Variants in PIGN observed in about 807,000 individuals in gnomAD.
PIGN encodes GPI ethanolamine phosphate transferase 1.
In PIGN, 117 loss-of-function variants were observed where a neutral mutation model predicts 125.4. The ratio of observed to expected loss-of-function variants is 0.93; its 90% CI spans 0.80 to 1.09. The LOEUF is 1.09. Ranked by LOEUF, PIGN falls within the 50% of genes least tolerant of loss-of-function variation. The pLI is 0.00. For missense variants in PIGN, 1,075 were observed against 1,094.9 expected, an observed-to-expected ratio of 0.98 and a Z score of 0.26; for synonymous variants, 392 against 377.8, an observed-to-expected ratio of 1.04 and a Z score of -0.44.
At chr18:62,077,084 A>G (rs894627522) in intron 28 of PIGN, among the ~76,000 whole-genome samples, 1 of 152,218 alleles carries the variant, frequency 6.6e-6, no homozygotes, top group African/African-American at 2.4e-5. Flanking sequence ...AATACAATTC[A>G]AAAGAGCTTT....
At chr18:62,028,376 C>T (rs749399290) in intron 23 of PIGN, among the ~76,000 whole-genome samples, 5 of 152,134 alleles carry the variant, frequency 3.3e-5, no homozygotes, top group East Asian at 1.9e-4. Flanking sequence ...ACCCTCTTGG[C>T]GTAGGCTTTG....
chr18:62,089,807 C>T (rs938964121), intron 24 of PIGN, among the ~76,000 whole-genome samples: 12 of 152,006 alleles, frequency 7.9e-5, no homozygotes, highest in Non-Finnish European at 1.6e-4. Context: ...TCATTTTATC[C>T]GACCTTAGTA....
intron 13 of PIGN, among the ~76,000 whole-genome samples, chr18:62,138,716 TA>T (rs2036024961): frequency 1.3e-5 from 2 of 152,202 alleles, no homozygotes; most frequent in Admixed American, 1.3e-4. Context: ...CAAATTCTAA[TA>T]GTTAAAGAAT....
chr18:62,149,433 C>CA (rs2036453027), intron 7 of PIGN, among the ~76,000 whole-genome samples: 2 of 151,926 alleles, frequency 1.3e-5, no homozygotes, highest in African/African-American at 2.4e-5. Context: ...GAGCTGAAAA[C>CA]AAAAAAACTG....
chr18:62,142,296 ATTTGAAGCAGGAGTG>A (rs1245847914), intron 11 of PIGN, among the ~76,000 whole-genome samples: 2 of 152,208 alleles, frequency 1.3e-5, no homozygotes, highest in African/African-American at 4.8e-5. Context: ...TTTGATGGAG[ATTTGAAGCAGGAGTG>A]TTTGCCAACA....
Position 62,042,123 on chromosome 18 carries a change from T to C in PIGN, c.*3733A>G, listed in dbSNP as rs993416834. The C allele has an allele frequency of 4.6e-5, 7 of 152,090 alleles. No individual in the cohort carries two copies. The highest frequency in any genetic ancestry group is 1.7e-4 in the African/African-American group (7 of 41,420). The allele number at this position is 152,090 out of a possible 1,614,324, so 9.4% of individuals were successfully genotyped here. A position where few individuals can be genotyped will look rare whatever the true frequency, so the allele number is the denominator to read the frequency against. ...ACTGCTTGAGGTCAGGAGTTCAAGA[T>C]GAGCCTGACAAACATGGTGAAACCT... is the stretch of plus-strand genomic sequence containing the variant. On this transcript the variant is annotated 3_prime_UTR_variant, in exon 31 of 31. Transcript: ENST00000640252.
chr18:62,177,538 A>G (rs2037568576), intron 1 of PIGN, among the ~76,000 whole-genome samples: 1 of 152,110 alleles, frequency 6.6e-6, no homozygotes, highest in African/African-American at 2.4e-5. Context: ...GCTTCCACCA[A>G]TTTGTTTATT....
In PIGN at chr18:62,090,576, T is replaced by C. The variant is rs1284322314; in HGVS notation, c.2183A>G (p.Tyr728Cys). Residue 728 changes from tyrosine to cysteine, a missense_variant and splice_region_variant, in exon 24 of 31, where the codon TAT (tyrosine) becomes TGT (cysteine). Tyr to Cys is a radical substitution (Grantham distance 194, BLOSUM62 -2). This residue lies in a region of PIGN where 915 missense variants were observed against 908.7 expected (regional missense o/e 1.01). Coordinates refer to ENST00000640252, the MANE Select transcript of PIGN (RefSeq NM_176787.5). ...CAACACTAGTGGAAAGAGAGCTTCA[T>C]ACCTAACAGGTGGGGAAAGGTAGAA... ...MSTYLLLSTG[Y>C]EALFPLVLSC... 1.3e-6 allele frequency: 2 copies of C among 1,574,252 alleles called. No individual in the cohort carries two copies. Among genetic ancestry groups the C allele is most frequent in the Admixed American group, 1.7e-5 (1 of 59,356 alleles).
At chr18:62,019,691 TTC>T (rs140526105) in intron 23 of PIGN, among the ~76,000 whole-genome samples, 35,883 of 152,106 alleles carry the variant, frequency 0.24, 4,458 homozygotes, top group Middle Eastern at 0.36. Context: ...CCAATGAAAT[TTC>T]CCAATATAGC....
At position 62,163,630 on chromosome 18, in the gene PIGN, G is replaced by T. The variant is rs1419150994; in HGVS notation, c.-209C>A. On this transcript the variant is annotated 5_prime_UTR_variant, in exon 2 of 31. Transcript: ENST00000640252. ...CAAAGGCTACAGCTCATCTCACTTT[G>T]CACAGGACTGAGACATAATACTGTT... 6.6e-6 allele frequency: 1 copy of T among 152,062 alleles called. No homozygotes were observed. Among genetic ancestry groups the T allele is most frequent in the Non-Finnish European group, 1.5e-5 (1 of 68,002 alleles). 9.4% of individuals were successfully genotyped at this position (152,062 alleles called of 1,614,324 possible). A position where few individuals can be genotyped will look rare whatever the true frequency, so the allele number is the denominator to read the frequency against.
chr18:62,153,663 TA>T (rs2036617755), intron 7 of PIGN: 2 of 151,948 alleles, frequency 1.3e-5, no homozygotes, highest in African/African-American at 4.8e-5. Context: ...ATATTAAAAG[TA>T]AAAAGAAAAT....
chr18:62,166,742 T>A lies in PIGN; in HGVS notation c.-235-3086A>T, dbSNP rs867906926. ...GCAGCCATAAAAAAGAATGAGATCA[T>A]GTCCTTTGCAGGGACATAGATGAAA... is the stretch of plus-strand genomic sequence containing the variant. On this transcript the variant is annotated intron_variant, in intron 1 of 30. Transcript: ENST00000640252. 1.1e-4 allele frequency among the ~76,000 whole-genome samples: 17 copies of A among 152,332 alleles called. No homozygotes were observed. The South Asian group carries it at 1.7e-3, about 15-fold the overall frequency.
chr18:62,024,500 C>T (rs1041947166), intron 23 of PIGN, among the ~76,000 whole-genome samples: 2 of 152,204 alleles, frequency 1.3e-5, no homozygotes, highest in Non-Finnish European at 1.5e-5. Flanking sequence ...TTCTCTCCCC[C>T]TTAACCCTGG....
At chr18:62,154,681 T>G (rs915633213) in intron 6 of PIGN, 30 bp from the exon 7 acceptor site, 4 of 1,004,494 alleles carry the variant, frequency 4.0e-6, no homozygotes, top group Admixed American at 1.9e-5. Flanking sequence ...AAAATAATCT[T>G]TTTACAAAAT....
chr18:62,137,266 G>A (rs1179840682), intron 14 of PIGN: 3 of 412,664 alleles, frequency 7.3e-6, no homozygotes. Flanking sequence ...TGGTTTGCTA[G>A]GGGCTCTCGG....
At chr18:62,153,031 C>A (rs1008369412) in intron 7 of PIGN, among the ~76,000 whole-genome samples, 1 of 151,462 alleles carries the variant, frequency 6.6e-6, no homozygotes, top group South Asian at 2.1e-4. Flanking sequence ...GGCTCCCAGG[C>A]AGTCCTCCTG....
chr18:62,108,521 A>G (rs559798546), intron 17 of PIGN, among the ~76,000 whole-genome samples: 8 of 152,166 alleles, frequency 5.3e-5, no homozygotes, highest in African/African-American at 1.9e-4. Flanking sequence ...ATGTTATTTG[A>G]TCAGTGTCTT....
chr18:62,121,106 G>T (rs1174436203), intron 14 of PIGN, among the ~76,000 whole-genome samples: 3 of 152,144 alleles, frequency 2.0e-5, no homozygotes, highest in African/African-American at 7.2e-5. Context: ...TAGGGTGAGG[G>T]CATTGGCAAG....
Position 62,116,727 on chromosome 18 carries a change from A to G in PIGN, c.1173-2088T>C, listed in dbSNP as rs577239098. Among the ~76,000 whole-genome samples, 35 of 152,358 alleles carry G rather than the reference A, an allele frequency of 2.3e-4. No individual in the cohort carries two copies. In the East Asian group the frequency reaches 3.3e-3, roughly 14 times the overall value. ...CCACAATAATACTTAGCAAAGTGCTAAAGCACATAAAATGAATCAATAAAT... is the reference window on the plus strand; with the variant it reads ...CCACAATAATACTTAGCAAAGTGCTGAAGCACATAAAATGAATCAATAAAT... On this transcript the variant is annotated intron_variant, in intron 14 of 30. Transcript: ENST00000640252.
Sources: allele counts gnomAD v4.1 joint callset (sites outside exome capture counted in the v4.1 genomes callset), GRCh38; gene constraint gnomAD v4.1.1; regional missense constraint gnomAD v4.1.1; transcripts MANE v1.5; gene names NCBI Gene and HGNC (gene_info 2026-07-23, HGNC 2026-07-21).